GPRC5A: variants seen among roughly 807,000 people sequenced by gnomAD.
GPRC5A encodes retinoic acid-induced protein 3.
In GPRC5A, 19 loss-of-function variants were observed where a neutral mutation model predicts 22.5. The observed-to-expected ratio is 0.85, with a 90% confidence interval of 0.59 to 1.24. The LOEUF is 1.24. GPRC5A is among the 50% of genes most tolerant of loss of function. The probability of loss-of-function intolerance (pLI) is 0.00; values close to 1 mark genes in which losing one functional copy is unlikely to be tolerated. For synonymous variants in GPRC5A, 192 were observed against 184.5 expected (o/e 1.04, Z -0.33); for missense variants, 471 against 451.1 (o/e 1.04, Z -0.40).
At chr12:12,899,658 G>T (rs1329098531) in intron 1 of GPRC5A, among the ~76,000 whole-genome samples, 1 of 152,156 alleles carries the variant, frequency 6.6e-6, no homozygotes, top group Non-Finnish European at 1.5e-5. Context: ...TCAGCATAGT[G>T]CCTGACTCAT....
chr12:12,895,611 A>G (rs772638564), intron 1 of GPRC5A, among the ~76,000 whole-genome samples: 1 of 151,740 alleles, frequency 6.6e-6, no homozygotes, highest in Admixed American at 6.6e-5. Context: ...AACTTGTTGG[A>G]TCCAGTGAAT....
chr12:12,901,540 G>C (rs985529389), intron 1 of GPRC5A, among the ~76,000 whole-genome samples: 1 of 152,050 alleles, frequency 6.6e-6, no homozygotes, highest in Non-Finnish European at 1.5e-5. Context: ...TTCTCTTGCT[G>C]CCTCATCTAT....
chr12:12,900,900 A>C (rs1361119114), intron 1 of GPRC5A, among the ~76,000 whole-genome samples: 7 of 128,992 alleles, frequency 5.4e-5, no homozygotes, highest in African/African-American at 2.1e-4. Flanking sequence ...TCAAAAAAAA[A>C]AAAAAAAAAA....
chr12:12,903,308 T>C (rs1762416870), intron 1 of GPRC5A, among the ~76,000 whole-genome samples: 1 of 152,038 alleles, frequency 6.6e-6, no homozygotes, highest in Non-Finnish European at 1.5e-5. Flanking sequence ...ATAGACACGG[T>C]CTTATTCTAT....
intron 1 of GPRC5A, among the ~76,000 whole-genome samples, chr12:12,906,152 T>A (rs1863939240): frequency 6.6e-6 from 1 of 152,232 alleles, no homozygotes; most frequent in South Asian, 2.1e-4. Flanking sequence ...CCTGGTTGTA[T>A]GATGTTGGGC....
chr12:12,904,567 A>AAG, intron 1 of GPRC5A, among the ~76,000 whole-genome samples: 1 of 152,292 alleles, frequency 6.6e-6, no homozygotes, highest in Non-Finnish European at 1.5e-5. Flanking sequence ...TGGAGTGCTT[A>AAG]GAGCAGTGAT....
Position 12,917,667 on chromosome 12 carries a change from G to T in GPRC5A, c.*5128G>T, listed in dbSNP as rs977721057. 28 of 152,162 alleles carry T rather than the reference G, an allele frequency of 1.8e-4. No individual in the cohort carries two copies. The highest frequency in any genetic ancestry group is 3.4e-4 in the Non-Finnish European group (23 of 68,042). The allele number at this position is 152,162 out of a possible 1,614,324, so 9.4% of individuals were successfully genotyped here. The stretch of plus-strand genomic sequence containing the variant: ...GTGTAAGCCATGGGAAAGGGATGAG[G>T]GAGGACAGCTTCTGGTTAAACACAG... On this transcript the variant is annotated 3_prime_UTR_variant, in exon 4 of 4. Coordinates refer to ENST00000014914, the MANE Select transcript of GPRC5A (RefSeq NM_003979.4).
chr12:12,902,078 T>C (rs928432019), intron 1 of GPRC5A, among the ~76,000 whole-genome samples: 3 of 152,240 alleles, frequency 2.0e-5, no homozygotes, highest in African/African-American at 7.2e-5. Flanking sequence ...TTCAGAACCC[T>C]GTCCATCTCT....
chr12:12,915,956 T>C lies in GPRC5A; in HGVS notation c.*3417T>C. 1 of 478,518 alleles carries C rather than the reference T, an allele frequency of 2.1e-6. No individual in the cohort carries two copies. The highest frequency in any genetic ancestry group is 4.4e-6 in the Non-Finnish European group (1 of 228,636). The allele number at this position is 478,518 out of a possible 1,614,324, so 29.6% of individuals were successfully genotyped here. On this transcript the variant is annotated 3_prime_UTR_variant, in exon 4 of 4. Coordinates refer to ENST00000014914, the MANE Select transcript of GPRC5A (RefSeq NM_003979.4). The stretch of plus-strand genomic sequence containing the variant: ...TACCTGTCACCCCTCCTCCCACTGC[T>C]GCGGCTGTTAACTCATCTTCAGGTC...
At chr12:12,908,171 A>T in intron 1 of GPRC5A, 72 bp from the exon 2 acceptor site, 2 of 1,049,194 alleles carry the variant, frequency 1.9e-6, no homozygotes, top group Non-Finnish European at 2.8e-6. Flanking sequence ...ATCCTTTTTT[A>T]GTCTTCTGTG....
chr12:12,909,289 G>A, intron 2 of GPRC5A, 118 bp downstream of exon 2: 1 of 744,316 alleles, frequency 1.3e-6, no homozygotes, highest in Non-Finnish European at 2.1e-6. Context: ...TGATAGAATA[G>A]ATAAGTTCCT....
chr12:12,911,779 T>C (rs1183178553), intron 2 of GPRC5A, among the ~76,000 whole-genome samples: 2 of 152,188 alleles, frequency 1.3e-5, no homozygotes, highest in Admixed American at 6.5e-5. Flanking sequence ...TGAGCCACCA[T>C]GCCCAGCCCA....
chr12:12,901,230 C>G (rs531032715), intron 1 of GPRC5A, among the ~76,000 whole-genome samples: 98 of 152,292 alleles, frequency 6.4e-4, no homozygotes, highest in African/African-American at 2.3e-3. Flanking sequence ...GAGCACATGA[C>G]TGGATCCCAG....
Position 12,908,694 on chromosome 12 carries a change from GC to G in GPRC5A, c.446del (p.Ala149ValfsTer7). On this transcript the variant is annotated frameshift_variant, in exon 2 of 4. Transcript: ENST00000014914. LOFTEE classifies it high-confidence loss of function. ...CTTCAGCCTAGTCCAGGATGTTATC[GC>G]TATTGAATATATTGTCCTGACCATG... ...VGFSLVQDVIAIEYIVLTMNR... is the reference protein window; with the variant it reads ...VGFSLVQDVIXIEYIVLTMNR... 1 of 1,613,978 alleles carries G rather than the reference GC, an allele frequency of 6.2e-7. No homozygotes were observed. Among genetic ancestry groups the G allele is most frequent in the Non-Finnish European group, 8.5e-7 (1 of 1,179,856 alleles).
intron 1 of GPRC5A, among the ~76,000 whole-genome samples, chr12:12,898,123 G>A (rs1037458310): frequency 6.6e-6 from 1 of 152,198 alleles, no homozygotes; most frequent in Non-Finnish European, 1.5e-5. Context: ...CCAGTGTCAA[G>A]GAGCCTGGCT....
intron 1 of GPRC5A, among the ~76,000 whole-genome samples, chr12:12,902,683 AT>A (rs1863901640): frequency 6.6e-6 from 1 of 152,138 alleles, no homozygotes; most frequent in Non-Finnish European, 1.5e-5. Context: ...AGGTGGGAAG[AT>A]ACCTTGAGCC....
Position 12,915,744 on chromosome 12 carries a change from C to T in GPRC5A, c.*3205C>T, listed in dbSNP as rs763003634. The T allele has an allele frequency of 1.8e-5, 7 of 385,094 alleles. No individual in the cohort carries two copies. Among genetic ancestry groups the T allele is most frequent in the Non-Finnish European group, 3.4e-5 (6 of 178,808 alleles). The allele number at this position is 385,094 out of a possible 1,614,324, so 23.9% of individuals were successfully genotyped here. A position where few individuals can be genotyped will look rare whatever the true frequency, so the allele number is the denominator to read the frequency against. ...AAACCTCGTGATCCACCTACCTTGG[C>T]CTCTGAAAGTGCTGGGATACCGTGG... On this transcript the variant is annotated 3_prime_UTR_variant, in exon 4 of 4. Transcript: ENST00000014914.
At position 12,913,679 on chromosome 12, in the gene GPRC5A, T is replaced by G. The variant is rs539348545; in HGVS notation, c.*1140T>G. On this transcript the variant is annotated 3_prime_UTR_variant, in exon 4 of 4. Coordinates refer to ENST00000014914, the MANE Select transcript of GPRC5A (RefSeq NM_003979.4). Reference sequence around the variant, plus strand: ...CAGTTACCAGTAATGAGCATTAGACTCTGGGGGATAGAACACGGGCTGCCC... The same window carrying G: ...CAGTTACCAGTAATGAGCATTAGACGCTGGGGGATAGAACACGGGCTGCCC... 2 of 152,346 alleles carry G rather than the reference T, an allele frequency of 1.3e-5. No individual in the cohort carries two copies. Among genetic ancestry groups the G allele is most frequent in the South Asian group, 4.1e-4 (2 of 4,830 alleles). The allele number at this position is 152,346 out of a possible 1,614,324, so 9.4% of individuals were successfully genotyped here. A position where few individuals can be genotyped will look rare whatever the true frequency, so the allele number is the denominator to read the frequency against.
In GPRC5A at chr12:12,908,423, C is replaced by T. The variant is rs1289515701; in HGVS notation, c.174C>T (p.Asp58=). ...TLPILVCKVQ[D]SNRRKMLPTQ... is the part of the protein sequence containing the mutation. ...CGATCCTCGTCTGCAAGGTGCAGGA[C>T]TCCAACAGGCGAAAAATGCTGCCTA... The change falls in exon 2 of 4, where the codon GAC becomes GAT. Residue 58 remains aspartate (D), a synonymous_variant. Transcript: ENST00000014914. 13 of 1,613,964 alleles carry T rather than the reference C, an allele frequency of 8.1e-6. No individual in the cohort carries two copies. The highest frequency in any genetic ancestry group is 1.1e-5 in the Non-Finnish European group (13 of 1,179,984).
Sources: allele counts gnomAD v4.1 joint callset (sites outside exome capture counted in the v4.1 genomes callset), GRCh38; gene constraint gnomAD v4.1.1; transcripts MANE v1.5; gene names NCBI Gene and HGNC (gene_info 2026-07-23, HGNC 2026-07-21).